Variants in TBC1D8B observed in about 807,000 individuals in gnomAD.
The protein encoded by TBC1D8B is TBC1 domain family member 8B.
In TBC1D8B, 75 loss-of-function variants were observed where a neutral mutation model predicts 82.9. The observed-to-expected ratio is 0.90, with a 90% CI of 0.75 to 1.10. TBC1D8B has a LOEUF of 1.10. Among genes scored for constraint, TBC1D8B ranks in the 50% least tolerant of loss-of-function variants. The pLI, the probability that TBC1D8B is intolerant of heterozygous loss-of-function variation, is 0.00. For missense variants in TBC1D8B, 794 were observed against 796.9 expected (o/e 1.00, Z 0.04); for synonymous variants, 276 against 276.8 (o/e 1.00, Z 0.03).
At chrX:106,840,300 C>A in intron 9 of TBC1D8B, 102 bp downstream of exon 9, 2 of 859,832 alleles carry the variant, frequency 2.3e-6, no homozygotes, top group Non-Finnish European at 3.2e-6. Context: ...ATGGTTAATA[C>A]AAAGTCTTAC....
At chrX:106,870,631 C>T (rs1932842032) in intron 19 of TBC1D8B, 85 bp from the exon 20 acceptor site, 9 of 580,842 alleles carry the variant, frequency 1.5e-5, no homozygotes, top group Non-Finnish European at 1.7e-5. Context: ...CAGTGAAATA[C>T]CTTTTAATCA....
intron 6 of TBC1D8B, among the ~76,000 whole-genome samples, chrX:106,826,560 A>G (rs1295670461): frequency 2.3e-5 from 2 of 86,451 alleles, no homozygotes; most frequent in Non-Finnish European, 4.6e-5. Flanking sequence ...TCCTAATGCT[A>G]TCCCTCCCCC....
At chrX:106,835,904 A>G (rs924668320) in intron 7 of TBC1D8B, among the ~76,000 whole-genome samples, 1 of 111,837 alleles carries the variant, frequency 8.9e-6, no homozygotes, top group Admixed American at 9.5e-5. Flanking sequence ...CCATTCAACA[A>G]GTCTATAGGA....
At chrX:106,805,072 CTTT>C (rs11432144) in intron 1 of TBC1D8B, among the ~76,000 whole-genome samples, 4 of 54,576 alleles carry the variant, frequency 7.3e-5, no homozygotes, top group African/African-American at 3.2e-4. Flanking sequence ...TGCAAGTTTC[CTTT>C]TTTTTTTTTT....
intron 7 of TBC1D8B, chrX:106,827,565 G>T (rs1931887364): frequency 6.0e-6 from 2 of 331,531 alleles, no homozygotes; most frequent in South Asian, 1.4e-4. Context: ...ACTATAATTT[G>T]ATCTTTCTTT....
At chrX:106,806,713 TG>T (rs1881414676) in intron 1 of TBC1D8B, among the ~76,000 whole-genome samples, 1 of 111,765 alleles carries the variant, frequency 8.9e-6, no homozygotes, top group Non-Finnish European at 1.9e-5. Flanking sequence ...AGACCTTTTT[TG>T]TGTGGTGTAG....
At position 106,854,327 on chromosome X, in the gene TBC1D8B, T is replaced by C. The variant is rs201785870; in HGVS notation, c.2352+31T>C. 8.1e-6 allele frequency: 8 copies of C among 991,564 alleles called. No homozygotes were observed. The Admixed American group carries it at 2.4e-4, about 29-fold the overall frequency. The allele number at this position is 991,564 out of a possible 1,213,427, so 81.7% of individuals were successfully genotyped here. A position where few individuals can be genotyped will look rare whatever the true frequency, so the allele number is the denominator to read the frequency against. On this transcript the variant is annotated intron_variant, in intron 14 of 20. Transcript: ENST00000357242. ...TATGCAACCAATGAGGAAAAACCAGTTGGAGTAATTTTTTTTTTCTATAAC... is the reference window on the plus strand; with the variant it reads ...TATGCAACCAATGAGGAAAAACCAGCTGGAGTAATTTTTTTTTTCTATAAC...
chrX:106,807,836 T>C (rs1038166465), intron 1 of TBC1D8B, among the ~76,000 whole-genome samples: 2 of 111,292 alleles, frequency 1.8e-5, no homozygotes, highest in Admixed American at 9.6e-5. Context: ...GCGGATCATT[T>C]GAGGTCAGGA....
Position 106,853,532 on chromosome X carries a change from A to T in TBC1D8B, c.2135A>T (p.Asn712Ile). 8.3e-7 allele frequency: 1 copy of T among 1,207,781 alleles called. No individual in the cohort carries two copies. The highest frequency in any genetic ancestry group is 1.1e-6 in the Non-Finnish European group (1 of 892,674). ...AVTALNRFFD[N>I]VTNKDSPLPS... ...TCACTTTTCAATAGGTTCTTTGACA[A>T]TGTCACTAATAAGGATAGTCCATTG... The change falls in exon 13 of 21, where the codon AAT becomes ATT. Residue 712 changes from asparagine (N) to isoleucine (I), a missense_variant. Transcript: ENST00000357242.
chrX:106,865,437 T>C (rs1050880980), intron 14 of TBC1D8B, 122 bp from the exon 15 acceptor site: 5 of 371,906 alleles, frequency 1.3e-5, no homozygotes, highest in South Asian at 1.1e-4. Flanking sequence ...TTATTATTCA[T>C]TTAAGAAGTT....
At chrX:106,862,785 T>TTTG (rs1932786533) in intron 14 of TBC1D8B, among the ~76,000 whole-genome samples, 1 of 95,013 alleles carries the variant, frequency 1.1e-5, no homozygotes, top group Admixed American at 1.2e-4. Context: ...TGTTTTTTTT[T>TTTG]TTTTTTTTTT....
At chrX:106,833,307 T>C (rs1191343281) in intron 7 of TBC1D8B, among the ~76,000 whole-genome samples, 1 of 111,789 alleles carries the variant, frequency 8.9e-6, no homozygotes, top group Non-Finnish European at 1.9e-5. Context: ...TAACAATCTA[T>C]GTTGCTTTCT....
At chrX:106,866,275 C>T (rs1251622943) in intron 16 of TBC1D8B, among the ~76,000 whole-genome samples, 1 of 111,386 alleles carries the variant, frequency 9.0e-6, no homozygotes, top group Non-Finnish European at 1.9e-5. Flanking sequence ...AGGAAGATAA[C>T]GTCCCAATTT....
rs113795281 is a variant in TBC1D8B, at chrX:106,839,953, T to C, written c.1354-95T>C. ...TGGTTTTCTATGTTCTTAATTTCTA[T>C]AGATGTTGTTTCAAGGTAAAGAGAG... On this transcript the variant is annotated intron_variant, in intron 8 of 20. Coordinates refer to ENST00000357242, the MANE Select transcript of TBC1D8B (RefSeq NM_017752.3). 25 of 909,228 alleles carry C rather than the reference T, an allele frequency of 2.7e-5. No individual in the cohort carries two copies. The African/African-American group carries it at 3.4e-4, about 13-fold the overall frequency. The allele number at this position is 909,228 out of a possible 1,213,427, so 74.9% of individuals were successfully genotyped here.
chrX:106,817,349 T>C (rs1423854657), intron 1 of TBC1D8B, among the ~76,000 whole-genome samples: 1 of 111,040 alleles, frequency 9.0e-6, no homozygotes, highest in Non-Finnish European at 1.9e-5. Flanking sequence ...TAATATATGC[T>C]AGGTTGTGTA....
intron 12 of TBC1D8B, among the ~76,000 whole-genome samples, chrX:106,850,790 G>T (rs1932569148): frequency 9.0e-6 from 1 of 111,716 alleles, no homozygotes; most frequent in Non-Finnish European, 1.9e-5. Flanking sequence ...GCACACATTT[G>T]TATATGCTAA....
At chrX:106,832,866 T>A (rs1251143091) in intron 7 of TBC1D8B, among the ~76,000 whole-genome samples, 3 of 111,326 alleles carry the variant, frequency 2.7e-5, no homozygotes, top group African/African-American at 9.8e-5. Flanking sequence ...GATTTTTTCT[T>A]GCCTTGATAA....
rs770827418 is a variant in TBC1D8B, at chrX:106,840,887, AT to A, written c.1719+4del. ...ATCCCAAAATTGGATACTGCCAGGT[AT>A]GACTTAACTATGAGCCCAACTGTGT... On this transcript the variant is annotated splice_donor_region_variant and intron_variant, in intron 10 of 20. Transcript: ENST00000357242. 3 of 1,197,971 alleles carry A rather than the reference AT, an allele frequency of 2.5e-6. No individual in the cohort carries two copies. Among genetic ancestry groups the A allele is most frequent in the Non-Finnish European group, 3.4e-6 (3 of 885,201 alleles).
At chrX:106,826,442 C>CT (rs1243381608) in intron 6 of TBC1D8B, among the ~76,000 whole-genome samples, 1 of 110,551 alleles carries the variant, frequency 9.0e-6, no homozygotes, top group Admixed American at 9.7e-5. Flanking sequence ...TATTATTATA[C>CT]TTTAAGTTTT....
Sources: gnomAD v4.1 joint callset for allele counts (sites outside exome capture counted in the v4.1 genomes callset) on GRCh38, gnomAD v4.1.1 for gene constraint, MANE v1.5 for transcripts, NCBI Gene and HGNC (gene_info 2026-07-23, HGNC 2026-07-21) for gene names.